Variants in MSRA observed in about 807,000 individuals in gnomAD.
MSRA encodes the protein methionine sulfoxide reductase A.
MSRA carries 54 observed loss-of-function variants against 31.3 expected under a neutral mutation model. The ratio of observed to expected loss-of-function variants is 1.73; its 90% CI spans 1.39 to 2.17. The LOEUF (loss-of-function observed/expected upper bound fraction) is 2.17, where lower values mean the gene tolerates loss of function less well. Ranked by LOEUF, MSRA falls within the 30% of genes most tolerant of loss-of-function variation. MSRA has a pLI of 0.00. For synonymous variants in MSRA, 169 were observed against 116.5 expected, an observed-to-expected ratio of 1.45 and a Z score of -2.90; for missense variants, 507 against 300.9, an observed-to-expected ratio of 1.69 and a Z score of -5.07.
intron 3 of MSRA, among the ~76,000 whole-genome samples, chr8:10,252,634 T>C (rs575700773): frequency 6.6e-6 from 1 of 152,306 alleles, no homozygotes; most frequent in South Asian, 2.1e-4. Flanking sequence ...CTTCTGCAAA[T>C]TGGCTTCCTG....
At chr8:10,154,213 C>T (rs1454778773) in intron 1 of MSRA, among the ~76,000 whole-genome samples, 1 of 152,148 alleles carries the variant, frequency 6.6e-6, no homozygotes, top group Non-Finnish European at 1.5e-5. Context: ...GGTGGACACG[C>T]GTGCTTGAAA....
intron 1 of MSRA, among the ~76,000 whole-genome samples, chr8:10,133,322 A>G (rs1304555377): frequency 1.3e-5 from 2 of 152,162 alleles, no homozygotes; most frequent in Admixed American, 1.3e-4. Flanking sequence ...ATTAATATGT[A>G]TTAGAAAGAG....
chr8:10,303,059 C>T (rs923228730), intron 4 of MSRA, among the ~76,000 whole-genome samples: 21 of 152,190 alleles, frequency 1.4e-4, no homozygotes, highest in African/African-American at 4.3e-4. Flanking sequence ...ATGGAGCAGA[C>T]GTTCAGCCAT....
chr8:10,207,761 C>G (rs1047611352), intron 1 of MSRA, 72 bp from the exon 2 acceptor site: 2 of 1,364,992 alleles, frequency 1.5e-6, no homozygotes, highest in African/African-American at 1.5e-5. Context: ...CTCATTGACA[C>G]ATTTAATGAC....
intron 2 of MSRA, among the ~76,000 whole-genome samples, chr8:10,219,683 G>A (rs1810309099): frequency 6.6e-6 from 1 of 151,532 alleles, no homozygotes; most frequent in South Asian, 2.1e-4. Flanking sequence ...GCGGACGCCT[G>A]TAGTCCCAGC....
chr8:10,390,884 G>T (rs1806700018), intron 5 of MSRA, among the ~76,000 whole-genome samples: 1 of 151,968 alleles, frequency 6.6e-6, no homozygotes, highest in South Asian at 2.1e-4. Context: ...GCTGAGGCAG[G>T]AGAATGACGT....
chr8:10,323,973 A>G (rs541765527), intron 5 of MSRA, among the ~76,000 whole-genome samples: 56 of 152,344 alleles, frequency 3.7e-4, no homozygotes, highest in African/African-American at 1.1e-3. Flanking sequence ...ATGGTTTTGC[A>G]TAAATAAAAC....
At chr8:10,405,266 C>G (rs752305755) in intron 5 of MSRA, among the ~76,000 whole-genome samples, 1 of 152,108 alleles carries the variant, frequency 6.6e-6, no homozygotes. Context: ...GCTGCAGGAT[C>G]AGAGTATTGC....
intron 3 of MSRA, among the ~76,000 whole-genome samples, chr8:10,275,005 G>A (rs1202200482): frequency 6.6e-6 from 1 of 152,082 alleles, no homozygotes; most frequent in Admixed American, 6.5e-5. Context: ...TGGCTTCCAA[G>A]GACTATATAT....
intron 1 of MSRA, among the ~76,000 whole-genome samples, chr8:10,121,052 G>C (rs1354470642): frequency 6.6e-6 from 1 of 152,130 alleles, no homozygotes; most frequent in African/African-American, 2.4e-5. Context: ...AGTTAATAAA[G>C]GGTAGTCACT....
At chr8:10,191,567 C>G (rs1021313042) in intron 1 of MSRA, among the ~76,000 whole-genome samples, 2 of 152,174 alleles carry the variant, frequency 1.3e-5, no homozygotes, top group African/African-American at 4.8e-5. Flanking sequence ...ACACTCTATT[C>G]CTAGACTTTA....
intron 3 of MSRA, among the ~76,000 whole-genome samples, chr8:10,259,661 A>G (rs370412369): frequency 1.5e-3 from 235 of 152,256 alleles, no homozygotes; most frequent in African/African-American, 5.2e-3. Flanking sequence ...ATTCCCCTCC[A>G]GGAAGGTAGA....
At chr8:10,409,289 G>T (rs1808012686) in intron 5 of MSRA, among the ~76,000 whole-genome samples, 1 of 152,100 alleles carries the variant, frequency 6.6e-6, no homozygotes, top group South Asian at 2.1e-4. Context: ...ATATCTCATT[G>T]TGCCTTTGAT....
At chr8:10,287,227 A>G (rs1799984756) in intron 3 of MSRA, among the ~76,000 whole-genome samples, 1 of 152,184 alleles carries the variant, frequency 6.6e-6, no homozygotes, top group Non-Finnish European at 1.5e-5. Flanking sequence ...ATTAGCTCCA[A>G]TGTTTATGGG....
chr8:10,204,704 G>A (rs1438525752), intron 1 of MSRA, among the ~76,000 whole-genome samples: 4 of 152,214 alleles, frequency 2.6e-5, no homozygotes, highest in Non-Finnish European at 5.9e-5. Context: ...GTTGTTAAGT[G>A]ATGCATAACT....
intron 5 of MSRA, among the ~76,000 whole-genome samples, chr8:10,393,519 G>A (rs759284617): frequency 1.3e-5 from 2 of 152,214 alleles, no homozygotes; most frequent in East Asian, 1.9e-4. Context: ...GCTGGGCACC[G>A]TGTAGGCATG....
intron 4 of MSRA, among the ~76,000 whole-genome samples, chr8:10,313,300 G>A (rs1384333739): frequency 1.3e-5 from 2 of 152,156 alleles, no homozygotes; most frequent in East Asian, 1.9e-4. Context: ...GCTTCTGTCA[G>A]CCTAGGCCCC....
At chr8:10,306,123 C>T (rs1256481569) in intron 4 of MSRA, among the ~76,000 whole-genome samples, 4 of 152,094 alleles carry the variant, frequency 2.6e-5, no homozygotes, top group Non-Finnish European at 4.4e-5. Context: ...CTCCAGGCAA[C>T]GTGGTGGGTG....
intron 1 of MSRA, chr8:10,095,537 A>G (rs1034740774): frequency 6.3e-5 from 62 of 985,514 alleles, no homozygotes; most frequent in Non-Finnish European, 7.3e-5. Context: ...GAAGGTTGCC[A>G]TACTGGGAGC....
Sources: allele counts gnomAD v4.1 joint callset (sites outside exome capture counted in the v4.1 genomes callset), GRCh38; gene constraint gnomAD v4.1.1; transcripts MANE v1.5; gene names NCBI Gene and HGNC (gene_info 2026-07-23, HGNC 2026-07-21).